Variants in ZFHX3 observed in about 807,000 individuals in gnomAD.
The protein encoded by ZFHX3 is zinc finger homeobox 3, also known as zinc finger homeobox protein 3.
In ZFHX3, 42 loss-of-function variants were observed where a neutral mutation model predicts 279.1. The observed-to-expected ratio is 0.15, with a 90% CI of 0.12 to 0.19. ZFHX3 has a LOEUF of 0.19. Ranked by LOEUF, ZFHX3 falls within the 10% of genes least tolerant of loss-of-function variation. The pLI is 1.00. For synonymous variants in ZFHX3, 2,293 were observed against 1,957.8 expected (o/e 1.17, Z -4.52); for missense variants, 4,981 against 4,754.0 (o/e 1.05, Z -1.40).
chr16:73,306,299 C>A (rs2015178554), intron 4 of ZFHX3, among the ~76,000 whole-genome samples: 1 of 152,176 alleles, frequency 6.6e-6, no homozygotes, highest in African/African-American at 2.4e-5. Flanking sequence ...ATTTGAATAT[C>A]TGCATTTAAC....
intron 1 of ZFHX3, among the ~76,000 whole-genome samples, chr16:73,045,969 A>G (rs1158540681): frequency 1.3e-5 from 2 of 152,146 alleles, no homozygotes; most frequent in East Asian, 3.8e-4. Flanking sequence ...AATTAAATAA[A>G]AGAGCCAACT....
chr16:73,701,905 G>C (rs544439208), intron 1 of ZFHX3, among the ~76,000 whole-genome samples: 2 of 151,894 alleles, frequency 1.3e-5, no homozygotes, highest in African/African-American at 2.4e-5. Context: ...TTAAGTATGT[G>C]GGCGATTTCT....
intron 3 of ZFHX3, among the ~76,000 whole-genome samples, chr16:72,897,644 T>C (rs1355236985): frequency 6.6e-6 from 1 of 152,100 alleles, no homozygotes; most frequent in Non-Finnish European, 1.5e-5. Context: ...TCTGACCAAT[T>C]TGCCCAGGCT....
At chr16:73,605,409 C>T (rs922779265) in intron 2 of ZFHX3, among the ~76,000 whole-genome samples, 11 of 152,200 alleles carry the variant, frequency 7.2e-5, no homozygotes, top group African/African-American at 2.7e-4. Context: ...CGCTGGAAAT[C>T]AGATCCTAAC....
At chr16:73,228,028 T>C (rs998953705) in intron 5 of ZFHX3, among the ~76,000 whole-genome samples, 2 of 152,158 alleles carry the variant, frequency 1.3e-5, no homozygotes, top group South Asian at 4.1e-4. Context: ...TATCTCCATT[T>C]TAAAGATAAG....
chr16:73,783,665 T>C (rs1462587302), intron 1 of ZFHX3, among the ~76,000 whole-genome samples: 5 of 152,208 alleles, frequency 3.3e-5, no homozygotes, highest in Non-Finnish European at 2.9e-5. Flanking sequence ...TCAGTACTGA[T>C]TGCAAATTAT....
intron 1 of ZFHX3, among the ~76,000 whole-genome samples, chr16:73,798,664 G>A (rs1272750144): frequency 6.6e-6 from 1 of 152,106 alleles, no homozygotes; most frequent in African/African-American, 2.4e-5. Flanking sequence ...GAGCTCCTCA[G>A]CTCTGTTGTA....
At chr16:72,997,320 G>A (rs1165544635) in intron 1 of ZFHX3, among the ~76,000 whole-genome samples, 2 of 152,140 alleles carry the variant, frequency 1.3e-5, no homozygotes, top group East Asian at 1.9e-4. Flanking sequence ...GGGTCCAGAC[G>A]TCTCTGTTTG....
rs183704857 is a variant in ZFHX3, at chr16:73,836,425, G to A, written c.-1608+55226C>T. Among the ~76,000 whole-genome samples the A allele has an allele frequency of 5.1e-4, 77 of 152,300 alleles. 1 individual carries two copies. Among genetic ancestry groups the A allele is most frequent in the African/African-American group, 1.9e-3 (77 of 41,568 alleles). On this transcript the variant is annotated intron_variant, in intron 1 of 17. Coordinates refer to the ZFHX3 transcript ENST00000641206. ...TTTAACATGTTCATTTTTTGTAGTG[G>A]TGGAGGGAAGGAAACTTTAAAAATG...
rs546002305 is a variant in ZFHX3 at position 72,959,686 on chromosome 16, C to A, written c.460G>T (p.Gly154Trp). ...VESLSQLTQG[G>W]GACGSGSGSG... The stretch of plus-strand genomic sequence containing the variant: ...CCACTGCCACTCCCACAGGCGCCCC[C>A]GCCCTGGGTCAGCTGGCTCAGGCTC... The change falls in exon 2 of 10, where the codon GGG becomes TGG. Residue 154 changes from glycine (G) to tryptophan (W), a missense_variant. This residue lies in a region of ZFHX3 where 1,068 missense variants were observed against 935.2 expected (regional missense o/e 1.14). Transcript: ENST00000268489. The A allele has an allele frequency of 6.2e-7, 1 of 1,613,940 alleles. No individual in the cohort carries two copies. Among genetic ancestry groups the A allele is most frequent in the South Asian group, 1.1e-5 (1 of 91,084 alleles).
At chr16:73,204,778 G>A (rs2011737279) in intron 5 of ZFHX3, among the ~76,000 whole-genome samples, 1 of 152,188 alleles carries the variant, frequency 6.6e-6, no homozygotes. Context: ...TGGATGGGGA[G>A]CTGTTGCTAG....
At chr16:73,435,782 C>G (rs1047613542) in intron 3 of ZFHX3, among the ~76,000 whole-genome samples, 4 of 152,208 alleles carry the variant, frequency 2.6e-5, no homozygotes, top group Admixed American at 2.0e-4. Flanking sequence ...CTCACAGGTA[C>G]TCACCAATGA....
chr16:72,958,218 G>C lies in ZFHX3; in HGVS notation c.1928C>G (p.Pro643Arg), dbSNP rs768678915. The C allele has an allele frequency of 2.5e-6, 4 of 1,611,562 alleles. No individual in the cohort carries two copies. In the African/African-American group the frequency reaches 4.0e-5, roughly 16 times the overall value. The change falls in exon 2 of 10, where the codon CCC becomes CGC. Residue 643 changes from proline (P) to arginine (R), a missense_variant. Coordinates refer to ENST00000268489, the MANE Select transcript of ZFHX3 (RefSeq NM_006885.4). The part of the protein sequence containing the change: ...ECPSGSGVEC[P>R]KCDTVLGSSR... The stretch of plus-strand genomic sequence containing the variant: ...GGAGCCCAGGACCGTGTCGCATTTG[G>C]GGCACTCCACGCCACTCCCCGAGGG...
At chr16:73,539,089 G>T (rs1260850336) in intron 2 of ZFHX3, among the ~76,000 whole-genome samples, 1 of 152,112 alleles carries the variant, frequency 6.6e-6, no homozygotes, top group Non-Finnish European at 1.5e-5. Context: ...ACTAAAAACA[G>T]AAACTAATAG....
chr16:73,205,354 A>C (rs1172703381), intron 5 of ZFHX3, among the ~76,000 whole-genome samples: 1 of 152,182 alleles, frequency 6.6e-6, no homozygotes, highest in African/African-American at 2.4e-5. Context: ...GGTCATCATA[A>C]ATTTCTGATG....
chr16:73,571,970 A>G (rs1022298805), intron 2 of ZFHX3, among the ~76,000 whole-genome samples: 1 of 152,174 alleles, frequency 6.6e-6, no homozygotes, highest in African/African-American at 2.4e-5. Context: ...ACAGTTACAA[A>G]TAAGCAGCCC....
chr16:72,950,903 T>G lies in ZFHX3; in HGVS notation c.2782A>C (p.Met928Leu). Residue 928 changes from methionine (M) to leucine (L), a missense_variant, in exon 3 of 10, where the codon ATG (methionine) becomes CTG (leucine). Around this residue, in one of 7 missense-constraint regions of ZFHX3, gnomAD observed 1,751 missense variants for 1,770.0 expected, o/e 0.99. Coordinates refer to ENST00000268489, the MANE Select transcript of ZFHX3 (RefSeq NM_006885.4). ...TGGATGAAGCTCTCGCCCAGGTTCA[T>G]CAGCTCCTCTGACACCAGCTGCCCG... is the stretch of plus-strand genomic sequence containing the variant. ...GGGQLVSEEL[M>L]NLGESFIQTN... 1 of 1,614,044 alleles carries G rather than the reference T, an allele frequency of 6.2e-7. No homozygotes were observed. The highest frequency in any genetic ancestry group is 8.5e-7 in the Non-Finnish European group (1 of 1,180,030).
intron 1 of ZFHX3, among the ~76,000 whole-genome samples, chr16:72,965,135 TCC>T (rs1314172811): frequency 6.6e-6 from 1 of 152,204 alleles, no homozygotes; most frequent in Non-Finnish European, 1.5e-5. Flanking sequence ...CGCCTCGGCC[TCC>T]CAAAGTGCTG....
chr16:72,829,169 A>ATT (rs61563409), intron 5 of ZFHX3, among the ~76,000 whole-genome samples: 1 of 134,788 alleles, frequency 7.4e-6, no homozygotes, highest in Non-Finnish European at 1.6e-5. Flanking sequence ...CACACCCAGC[A>ATT]TTTTTTTTTT....
Sources: allele counts gnomAD v4.1 joint callset (sites outside exome capture counted in the v4.1 genomes callset), GRCh38; gene constraint gnomAD v4.1.1; regional missense constraint gnomAD v4.1.1; transcripts MANE v1.5; gene names NCBI Gene and HGNC (gene_info 2026-07-23, HGNC 2026-07-21).